Variants in THRA observed in about 807,000 individuals in gnomAD.
The protein encoded by THRA is EAR-7.
A neutral mutation model predicts 45.0 loss-of-function variants in THRA; 13 were observed. The observed-to-expected ratio is 0.29, with a 90% CI of 0.19 to 0.46. The LOEUF (loss-of-function observed/expected upper bound fraction) is 0.46. THRA is among the 20% of genes least tolerant of loss of function. The probability of loss-of-function intolerance (pLI) is 1.00; values close to 1 mark genes in which losing one functional copy is unlikely to be tolerated. For missense variants in THRA, 278 were observed against 556.1 expected (o/e 0.50, Z 5.03); for synonymous variants, 195 against 214.0 (o/e 0.91, Z 0.78).
At chr17:40,067,120 C>G (rs1986603056) in intron 1 of THRA, among the ~76,000 whole-genome samples, 1 of 152,178 alleles carries the variant, frequency 6.6e-6, no homozygotes, top group African/African-American at 2.4e-5. Context: ...GTAATCTTTT[C>G]CTCCCAGACA....
rs367938734 is a variant in THRA, at chr17:40,074,547, G to A, written c.53+6G>A. The A allele has an allele frequency of 1.7e-4, 273 of 1,613,932 alleles. No homozygotes were observed. Among genetic ancestry groups the A allele is most frequent in the Middle Eastern group, 8.2e-4 (5 of 6,084 alleles). On this transcript the variant is annotated splice_donor_region_variant and intron_variant, in intron 2 of 8. Coordinates refer to ENST00000450525, the MANE Select transcript of THRA (RefSeq NM_199334.5). ...TCAGACCCAGAGGAGAACAGGTAAT[G>A]GGTTCAGCAACTAGGTCATGCCAAC...
intron 7 of THRA, 124 bp from the exon 8 acceptor site, chr17:40,088,118 G>C: frequency 7.5e-7 from 1 of 1,338,226 alleles, no homozygotes; most frequent in African/African-American, 1.5e-5. Context: ...CCCAATACAA[G>C]GTCAGCCGTT....
chr17:40,074,479 A>C lies in THRA; in HGVS notation c.-10A>C. The C allele has an allele frequency of 1.2e-6, 2 of 1,613,986 alleles. No homozygotes were observed. The highest frequency in any genetic ancestry group is 3.3e-5 in the Admixed American group (2 of 60,016). ...CGTGCTGGAGGGCATCCTGGATGGA[A>C]TTGAAGTGAATGGAACAGAAGCCAA... On this transcript the variant is annotated 5_prime_UTR_variant, in exon 2 of 9. Coordinates refer to ENST00000450525, the MANE Select transcript of THRA (RefSeq NM_199334.5).
At chr17:40,085,333 T>C (rs561542331) in intron 6 of THRA, among the ~76,000 whole-genome samples, 93 of 152,142 alleles carry the variant, frequency 6.1e-4, no homozygotes, top group African/African-American at 2.2e-3. Flanking sequence ...CCCACCTCTA[T>C]GAATAATTTT....
chr17:40,063,822 T>TGCCCCTTCTCCATCTGGG (rs1230290178), intron 1 of THRA, among the ~76,000 whole-genome samples: 1 of 151,810 alleles, frequency 6.6e-6, no homozygotes, highest in Non-Finnish European at 1.5e-5. Context: ...GTGTCTCTGG[T>TGCCCCTTCTCCATCTGGG]GCCCCTTCTC....
At chr17:40,079,590 G>C (rs146490213) in intron 4 of THRA, among the ~76,000 whole-genome samples, 94 of 152,204 alleles carry the variant, frequency 6.2e-4, no homozygotes, top group African/African-American at 2.2e-3. Flanking sequence ...AAAATGCAAG[G>C]CCTTCCAAGA....
Position 40,090,963 on chromosome 17 carries a change from CAG to C in THRA, c.*1508_*1509del, listed in dbSNP as rs1987511711. ...CTCCCTGTGGCTGCCGCCCACTCCT[CAG>C]GGGAGAGAGGGAGAGAGGAGGTGGT... On this transcript the variant is annotated 3_prime_UTR_variant, in exon 9 of 9. Transcript: ENST00000450525. 1 of 152,550 alleles carries C rather than the reference CAG, an allele frequency of 6.6e-6. No individual in the cohort carries two copies. Among genetic ancestry groups the C allele is most frequent in the East Asian group, 1.9e-4 (1 of 5,210 alleles). The allele number at this position is 152,550 out of a possible 1,614,324, so 9.4% of individuals were successfully genotyped here.
intron 2 of THRA, 79 bp downstream of exon 2, chr17:40,074,620 C>T (rs544563364): frequency 1.8e-5 from 27 of 1,479,568 alleles, no homozygotes; most frequent in Admixed American, 6.9e-5. Flanking sequence ...CTTTAGGCAC[C>T]GCCTTTAAGC....
chr17:40,073,893 C>G (rs1345980782), intron 1 of THRA, among the ~76,000 whole-genome samples: 1 of 152,046 alleles, frequency 6.6e-6, no homozygotes, highest in Non-Finnish European at 1.5e-5. Context: ...AATAGTTGCT[C>G]ATTAAGGGCC....
chr17:40,083,364 A>G (rs950777318), intron 4 of THRA, among the ~76,000 whole-genome samples: 1 of 149,984 alleles, frequency 6.7e-6, no homozygotes, highest in Non-Finnish European at 1.5e-5. Context: ...ACTGCACCCA[A>G]CCTCATGCCC....
intron 1 of THRA, among the ~76,000 whole-genome samples, chr17:40,072,877 G>A (rs1986826364): frequency 6.6e-6 from 1 of 152,134 alleles, no homozygotes; most frequent in African/African-American, 2.4e-5. Flanking sequence ...CCTGGGCTAA[G>A]GCTCCCTGCT....
chr17:40,084,381 C>G (rs1987249599), intron 5 of THRA: 2 of 568,290 alleles, frequency 3.5e-6, no homozygotes, highest in Non-Finnish European at 6.3e-6. Context: ...ATCCGTTAGA[C>G]CAGAACATGA....
intron 1 of THRA, among the ~76,000 whole-genome samples, chr17:40,063,380 G>T (rs114208005): frequency 6.6e-6 from 1 of 152,128 alleles, no homozygotes; most frequent in Non-Finnish European, 1.5e-5. Flanking sequence ...GCCTCTGTCC[G>T]GCCAGTCTGC....
chr17:40,082,989 G>A (rs1329659605), intron 4 of THRA, among the ~76,000 whole-genome samples: 8 of 146,766 alleles, frequency 5.5e-5, no homozygotes, highest in African/African-American at 1.0e-4. Flanking sequence ...GTGCAGTGGC[G>A]CGATCTTGGC....
Position 40,091,647 on chromosome 17 carries a change from A to C in THRA, c.*2191A>C, listed in dbSNP as rs1192027084. ...TGGACACGGCAGAGAAAAGGCCTTG[A>C]AGAGCCTTAGCCTCTTATAGGCACT... On this transcript the variant is annotated 3_prime_UTR_variant, in exon 9 of 9. Transcript: ENST00000450525. 1 of 148,128 alleles carries C rather than the reference A, an allele frequency of 6.8e-6. No homozygotes were observed. Among genetic ancestry groups the C allele is most frequent in the African/African-American group, 2.5e-5 (1 of 40,040 alleles). 9.2% of individuals were successfully genotyped at this position (148,128 alleles called of 1,614,324 possible).
At chr17:40,068,537 C>T (rs998671988) in intron 1 of THRA, among the ~76,000 whole-genome samples, 9 of 152,238 alleles carry the variant, frequency 5.9e-5, no homozygotes, top group African/African-American at 1.9e-4. Context: ...TATGCCATTG[C>T]GTGAGGTGGT....
chr17:40,073,766 C>T (rs1444941231), intron 1 of THRA, among the ~76,000 whole-genome samples: 2 of 152,152 alleles, frequency 1.3e-5, no homozygotes, highest in African/African-American at 4.8e-5. Context: ...CCTTCCTTCA[C>T]AGATACCCTC....
intron 1 of THRA, among the ~76,000 whole-genome samples, chr17:40,069,955 G>C: frequency 6.6e-6 from 1 of 151,644 alleles, no homozygotes; most frequent in Non-Finnish European, 1.5e-5. Context: ...TCTGGCCCAA[G>C]TCAAGGCTGC....
At chr17:40,067,150 G>T (rs3923377) in intron 1 of THRA, among the ~76,000 whole-genome samples, 30,267 of 152,118 alleles carry the variant, frequency 0.2, 3,382 homozygotes, top group Admixed American at 0.32. Context: ...AGCCTGGAAT[G>T]AGTGTATGGG....
Sources: allele counts gnomAD v4.1 joint callset (sites outside exome capture counted in the v4.1 genomes callset), GRCh38; gene constraint gnomAD v4.1.1; transcripts MANE v1.5; gene names NCBI Gene and HGNC (gene_info 2026-07-23, HGNC 2026-07-21).